SRGAP1: variants seen among roughly 807,000 people sequenced by gnomAD.
The protein encoded by SRGAP1 is SLIT-ROBO Rho GTPase-activating protein 1.
In SRGAP1, 43 loss-of-function variants were observed where a neutral mutation model predicts 121.9. The observed-to-expected ratio is 0.35, with a 90% confidence interval of 0.28 to 0.46. The LOEUF is 0.46. SRGAP1 is among the 20% of genes least tolerant of loss of function. The pLI is 1.00. For synonymous variants in SRGAP1, 447 were observed against 485.4 expected (o/e 0.92, Z 1.04); for missense variants, 1,102 against 1,350.9 (o/e 0.82, Z 2.89).
At chr12:63,938,741 G>GTTT (rs75409568) in intron 1 of SRGAP1, among the ~76,000 whole-genome samples, 1 of 143,544 alleles carries the variant, frequency 7.0e-6, no homozygotes, top group Non-Finnish European at 1.5e-5. Flanking sequence ...ATGTTTTTAG[G>GTTT]TTTTTTTTTT....
At chr12:64,081,842 A>T (rs975708077) in intron 10 of SRGAP1, 1 of 151,784 alleles carries the variant, frequency 6.6e-6, no homozygotes, top group African/African-American at 2.4e-5. Flanking sequence ...AACAGCCGGA[A>T]AATCTACATG....
chr12:64,113,384 G>C (rs2036464554), intron 17 of SRGAP1, among the ~76,000 whole-genome samples: 1 of 151,970 alleles, frequency 6.6e-6, no homozygotes, highest in African/African-American at 2.4e-5. Flanking sequence ...CTCCAGCCTG[G>C]GTGACAGAGC....
chr12:64,042,242 AAAT>A (rs1565653274), intron 4 of SRGAP1, among the ~76,000 whole-genome samples: 1 of 152,030 alleles, frequency 6.6e-6, no homozygotes, highest in South Asian at 2.1e-4. Context: ...TTTTTTAAGA[AAAT>A]AAATGTTTTC....
intron 18 of SRGAP1, among the ~76,000 whole-genome samples, chr12:64,118,525 G>C (rs562895428): frequency 6.6e-6 from 1 of 152,260 alleles, no homozygotes; most frequent in African/African-American, 2.4e-5. Flanking sequence ...GCCTCCCAAA[G>C]TGCTGAGATT....
chr12:64,079,328 T>C (rs890986096), intron 9 of SRGAP1, among the ~76,000 whole-genome samples: 3 of 152,070 alleles, frequency 2.0e-5, no homozygotes, highest in Admixed American at 6.6e-5. Flanking sequence ...GTTAGAGGAC[T>C]GGTATAAAAC....
At chr12:64,142,272 T>A in intron 21 of SRGAP1, 23 bp from the exon 22 acceptor site, 1 of 1,604,552 alleles carries the variant, frequency 6.2e-7, no homozygotes, top group Non-Finnish European at 8.5e-7. Context: ...GTGCTTTCTC[T>A]CTTTCCGATT....
chr12:63,900,712 T>C (rs1162699729), intron 1 of SRGAP1, among the ~76,000 whole-genome samples: 4 of 151,640 alleles, frequency 2.6e-5, no homozygotes, highest in Admixed American at 6.6e-5. Flanking sequence ...TACTTGGGAG[T>C]CTGAGGCATA....
rs1359749442 is a variant in SRGAP1 at position 64,135,890 on chromosome 12, CAAT to C, written c.2881-6402_2881-6400del. 2.6e-5 allele frequency among the ~76,000 whole-genome samples: 4 copies of C among 152,150 alleles called. No individual in the cohort carries two copies. In the East Asian group the frequency reaches 5.8e-4, roughly 22 times the overall value. ...TAACTCACACAATCACAAGGTCCCA[CAAT>C]AAGCCGTCTGCAGGCTGAGGAGCAA... On this transcript the variant is annotated intron_variant, in intron 21 of 21. Transcript: ENST00000355086.
chr12:64,026,609 G>A (rs1039666060), intron 4 of SRGAP1, among the ~76,000 whole-genome samples: 1 of 152,194 alleles, frequency 6.6e-6, no homozygotes, highest in African/African-American at 2.4e-5. Flanking sequence ...GCTCATGCCT[G>A]TAATCCCAGC....
chr12:64,054,335 A>G (rs1176634371), intron 6 of SRGAP1, among the ~76,000 whole-genome samples: 2 of 152,242 alleles, frequency 1.3e-5, no homozygotes, highest in Non-Finnish European at 2.9e-5. Flanking sequence ...AAATTAGATT[A>G]CATCATATAT....
intron 4 of SRGAP1, among the ~76,000 whole-genome samples, chr12:64,033,929 A>G (rs549075140): frequency 1.4e-4 from 21 of 152,098 alleles, no homozygotes; most frequent in Non-Finnish European, 2.8e-4. Context: ...CTGAGGCAGG[A>G]GAATTGCTTG....
At chr12:64,066,608 T>G (rs1326252790) in intron 8 of SRGAP1, among the ~76,000 whole-genome samples, 2 of 152,208 alleles carry the variant, frequency 1.3e-5, no homozygotes, top group Admixed American at 6.5e-5. Context: ...GAATGATGTG[T>G]TTTTAGACCA....
chr12:63,896,580 C>T (rs1900760945), intron 1 of SRGAP1, among the ~76,000 whole-genome samples: 1 of 152,068 alleles, frequency 6.6e-6, no homozygotes, highest in African/African-American at 2.4e-5. Flanking sequence ...GAATGTGTAC[C>T]CTGTCTAAGT....
intron 1 of SRGAP1, among the ~76,000 whole-genome samples, chr12:63,878,503 C>T (rs942996713): frequency 1.3e-5 from 2 of 152,072 alleles, no homozygotes; most frequent in Admixed American, 6.6e-5. Context: ...TTCCTCTATT[C>T]GTGTGCGTGT....
rs185429069 is a variant in SRGAP1 at position 63,851,079 on chromosome 12, C to A, written c.67+6196C>A. On this transcript the variant is annotated intron_variant, in intron 1 of 21. Transcript: ENST00000355086. ...GCTGAGGCACAAGAATCACTTGAAC[C>A]CAGAAGGCAGAGGTTGCAGTGAGCT... 8.5e-5 allele frequency among the ~76,000 whole-genome samples: 13 copies of A among 152,236 alleles called. No individual in the cohort carries two copies. The East Asian group carries it at 2.3e-3, about 27-fold the overall frequency.
intron 1 of SRGAP1, among the ~76,000 whole-genome samples, chr12:63,894,399 T>A (rs1312363191): frequency 6.6e-6 from 1 of 151,910 alleles, no homozygotes; most frequent in Admixed American, 6.6e-5. Context: ...CAGTTATTGC[T>A]CTAATATTGG....
At chr12:64,114,392 C>T (rs745427222) in intron 17 of SRGAP1, among the ~76,000 whole-genome samples, 140 of 131,276 alleles carry the variant, frequency 1.1e-3, no homozygotes, top group Admixed American at 2.7e-3. Flanking sequence ...CAGGCTAGAG[C>T]GCCATGGCGC....
chr12:64,103,448 GC>G (rs1273689822), intron 15 of SRGAP1, among the ~76,000 whole-genome samples: 25 of 152,022 alleles, frequency 1.6e-4, no homozygotes, highest in African/African-American at 6.0e-4. Context: ...CAGTGATTTT[GC>G]AACTATACCA....
At chr12:63,954,669 C>G (rs1168687543) in intron 1 of SRGAP1, among the ~76,000 whole-genome samples, 1 of 45,218 alleles carries the variant, frequency 2.2e-5, no homozygotes, top group Non-Finnish European at 4.9e-5. Flanking sequence ...CAGAGCGAGA[C>G]TCCATCTCAA....
Sources: allele counts gnomAD v4.1 joint callset (sites outside exome capture counted in the v4.1 genomes callset), GRCh38; gene constraint gnomAD v4.1.1; transcripts MANE v1.5; gene names NCBI Gene and HGNC (gene_info 2026-07-23, HGNC 2026-07-21).